The following MRPL43 variants were observed in gnomAD, a reference collection of about 807,000 sequenced individuals.
The protein encoded by MRPL43 is mitochondrial ribosomal protein L43.
A neutral mutation model predicts 12.7 loss-of-function variants in MRPL43; 9 were observed. The observed-to-expected ratio is 0.71, with a 90% CI of 0.43 to 1.24. MRPL43 has a LOEUF of 1.24. Ranked by LOEUF, MRPL43 falls within the 50% of genes most tolerant of loss-of-function variation. MRPL43 has a pLI of 0.00. For missense variants in MRPL43, 211 were observed against 229.2 expected (o/e 0.92, Z 0.51); for synonymous variants, 116 against 96.4 (o/e 1.20, Z -1.19).
chr10:100,979,794 G>C (rs1158195931), downstream of MRPL43: 22 of 1,599,818 alleles, frequency 1.4e-5, no homozygotes, highest in South Asian at 1.9e-4. Context: ...CACGAGTTGG[G>C]GGGCAGGCTT....
chr10:100,979,527 C>T (rs1044041451), downstream of MRPL43, among the ~76,000 whole-genome samples: 9 of 151,916 alleles, frequency 5.9e-5, no homozygotes, highest in Non-Finnish European at 1.0e-4. Context: ...GGACTATAGG[C>T]GTGTGCCACC....
chr10:100,983,522 A>C, downstream of MRPL43: 1 of 1,614,156 alleles, frequency 6.2e-7, no homozygotes, highest in Non-Finnish European at 8.5e-7. Flanking sequence ...ATGCCGAGGA[A>C]AATGGCCTCC....
At chr10:100,977,859 G>T, downstream of MRPL43, 2 of 764,322 alleles carry the variant, frequency 2.6e-6, no homozygotes, top group East Asian at 2.6e-5. Flanking sequence ...CTTCCATACA[G>T]GGCACTCCAG....
chr10:100,979,752 T>G (rs558150125), downstream of MRPL43: 611 of 1,425,704 alleles, frequency 4.3e-4, no homozygotes, highest in Non-Finnish European at 5.3e-4. Flanking sequence ...ATAGCTGGGG[T>G]TGGCCAGGGT....
At chr10:100,978,852 C>T (rs369471768), downstream of MRPL43, 35 of 1,613,512 alleles carry the variant, frequency 2.2e-5, no homozygotes, top group Non-Finnish European at 2.9e-5. Context: ...CCCACAGATG[C>T]GGAGTTTGTG....
downstream of MRPL43, chr10:100,984,852 AATCAGC>A (rs1437134295): frequency 6.6e-5 from 99 of 1,499,692 alleles, 2 homozygotes; most frequent in East Asian, 9.9e-4. Context: ...GGCCCTTGTG[AATCAGC>A]CTCCCCACTC....
At chr10:100,979,019 G>C (rs1850928358), downstream of MRPL43, 1 of 1,613,900 alleles carries the variant, frequency 6.2e-7, no homozygotes, top group South Asian at 1.1e-5. Context: ...TGTCTGCAAG[G>C]TGGATTGGGC....
At position 100,987,490 on chromosome 10, in the gene MRPL43, G is replaced by C. The variant is rs763470234; in HGVS notation, c.-47C>G. 6.2e-7 allele frequency: 1 copy of C among 1,600,276 alleles called. No homozygotes were observed. Among genetic ancestry groups the C allele is most frequent in the Admixed American group, 1.7e-5 (1 of 59,076 alleles). On this transcript the variant is annotated 5_prime_UTR_variant, in exon 1 of 3. Transcript: ENST00000318364. ...GAGCCTAAGCAGCGAGGAGAGGGGG[G>C]CGGGACTAAACCTCGAGGCTTCCGG... is the stretch of plus-strand genomic sequence containing the variant.
Position 100,987,446 on chromosome 10 carries a change from C to G in MRPL43, c.-3G>C. On this transcript the variant is annotated 5_prime_UTR_variant, in exon 1 of 3. Transcript: ENST00000318364. ...CTCGGAGTCCCGCGCGCCGTCATAG[C>G]TACAGCTTGGAGGCCGCGGAGCCTA... 1 of 1,611,896 alleles carries G rather than the reference C, an allele frequency of 6.2e-7. No individual in the cohort carries two copies. The highest frequency in any genetic ancestry group is 8.5e-7 in the Non-Finnish European group (1 of 1,179,696).
At chr10:100,980,833 T>C (rs1306051543), downstream of MRPL43, 6 of 1,581,048 alleles carry the variant, frequency 3.8e-6, no homozygotes, top group Non-Finnish European at 5.1e-6. Flanking sequence ...ACAGCCTCTA[T>C]GTGGGGGCTC....
In MRPL43 at chr10:100,987,361, C is replaced by T; in HGVS notation, c.83G>A (p.Arg28His). The T allele has an allele frequency of 6.2e-7, 1 of 1,612,594 alleles. No homozygotes were observed. The highest frequency in any genetic ancestry group is 8.5e-7 in the Non-Finnish European group (1 of 1,179,912). The part of the protein sequence containing the change: ...GLGRYVQQLQ[R>H]LSFSVSRDGA... ...GTCGCGGCTGACGCTGAAGCTCAGA[C>T]GCTGCAGCTGCTGCACATAGCGACC... The change falls in exon 1 of 3, where the codon CGT becomes CAT. Residue 28 changes from arginine (R) to histidine (H), a missense_variant. By Grantham distance (29) the Arg-to-His change is conservative (BLOSUM62 0). Transcript: ENST00000318364.
Position 100,986,854 on chromosome 10 carries a change from G to C in MRPL43, c.360C>G (p.His120Gln). ...LDVIRIRKPF[H>Q]TDNPSIQGQW... ...GGCCCTGGATGCTAGGGTTGTCGGTGTGGAAGGGCTTGCGGATGCGGATCA... is the reference window on the plus strand; with the variant it reads ...GGCCCTGGATGCTAGGGTTGTCGGTCTGGAAGGGCTTGCGGATGCGGATCA... The change falls in exon 3 of 3, where the codon CAC becomes CAG. Residue 120 changes from histidine to glutamine, a missense_variant. Physicochemically the swap from His to Gln is conservative, Grantham distance 24 (BLOSUM62 0). Transcript: ENST00000318364. The C allele has an allele frequency of 1.9e-6, 3 of 1,613,814 alleles. No homozygotes were observed. Among genetic ancestry groups the C allele is most frequent in the Non-Finnish European group, 2.5e-6 (3 of 1,180,044 alleles).
downstream of MRPL43, chr10:100,978,197 T>A: frequency 1.2e-6 from 1 of 804,302 alleles, no homozygotes; most frequent in African/African-American, 1.7e-5. Context: ...CCTGCCCCTA[T>A]CCCTGATCGC....
Position 100,987,496 on chromosome 10 carries a change from C to T in MRPL43, c.-53G>A. Reference sequence around the variant, plus strand: ...AAGCAGCGAGGAGAGGGGGGCGGGACTAAACCTCGAGGCTTCCGGTTCCGG... The same window carrying T: ...AAGCAGCGAGGAGAGGGGGGCGGGATTAAACCTCGAGGCTTCCGGTTCCGG... On this transcript the variant is annotated 5_prime_UTR_variant, in exon 1 of 3. Transcript: ENST00000318364. The T allele has an allele frequency of 6.3e-7, 1 of 1,588,098 alleles. No homozygotes were observed. The highest frequency in any genetic ancestry group is 1.1e-5 in the South Asian group (1 of 89,592).
downstream of MRPL43, chr10:100,983,384 G>A (rs1245506254): frequency 6.2e-7 from 1 of 1,610,548 alleles, no homozygotes; most frequent in Non-Finnish European, 8.5e-7. Context: ...CATCCAACCT[G>A]GCCCGGGCCT....
downstream of MRPL43, chr10:100,979,323 G>A (rs747148992): frequency 1.9e-6 from 3 of 1,613,988 alleles, no homozygotes; most frequent in African/African-American, 1.3e-5. Flanking sequence ...CATAGGGGCT[G>A]GAGCAGAGGT....
chr10:100,984,821 C>T (rs1056944101), downstream of MRPL43: 2 of 1,526,680 alleles, frequency 1.3e-6, no homozygotes, highest in African/African-American at 1.4e-5. Context: ...TGCATCACTC[C>T]CCTCCTCTCC....
At chr10:100,981,161 G>C (rs765156879), downstream of MRPL43, 19 of 1,614,080 alleles carry the variant, frequency 1.2e-5, no homozygotes, top group Middle Eastern at 1.6e-4. Context: ...CTGATCTTCT[G>C]TCCCAGGACA....
At chr10:100,978,273 C>G (rs777728266), downstream of MRPL43, 2 of 1,588,194 alleles carry the variant, frequency 1.3e-6, no homozygotes, top group South Asian at 2.2e-5. Flanking sequence ...GAACCACTTA[C>G]TGCTGGTTCC....
Sources: gnomAD v4.1 joint callset for allele counts (sites outside exome capture counted in the v4.1 genomes callset) on GRCh38, gnomAD v4.1.1 for gene constraint, MANE v1.5 for transcripts, NCBI Gene and HGNC (gene_info 2026-07-23, HGNC 2026-07-21) for gene names.